FOXN3: variants seen among roughly 807,000 people sequenced by gnomAD.
The protein encoded by FOXN3 is forkhead box N3, also known as forkhead box protein N3.
FOXN3 carries 7 observed loss-of-function variants against 38.4 expected under a neutral mutation model. The observed-to-expected ratio is 0.18, with a 90% CI of 0.10 to 0.34. FOXN3 has a LOEUF of 0.34. FOXN3 is among the 10% of genes least tolerant of loss of function. The pLI, the probability that FOXN3 is intolerant of heterozygous loss-of-function variation, is 1.00. For missense variants in FOXN3, 456 were observed against 613.4 expected, an observed-to-expected ratio of 0.74 and a Z score of 2.71; for synonymous variants, 230 against 242.2, an observed-to-expected ratio of 0.95 and a Z score of 0.47.
chr14:89,512,037 C>A (rs955672411), intron 1 of FOXN3, among the ~76,000 whole-genome samples: 18 of 152,124 alleles, frequency 1.2e-4, no homozygotes, highest in Non-Finnish European at 2.1e-4. Context: ...TGGGTGGGGA[C>A]GTGGCCAAAC....
At chr14:89,470,068 T>A (rs1893060701) in intron 1 of FOXN3, among the ~76,000 whole-genome samples, 1 of 152,184 alleles carries the variant, frequency 6.6e-6, no homozygotes, top group Non-Finnish European at 1.5e-5. Context: ...TGAGTCGTGG[T>A]TTCATCTTGA....
intron 3 of FOXN3, among the ~76,000 whole-genome samples, chr14:89,338,197 C>G (rs1888519908): frequency 6.6e-6 from 1 of 152,148 alleles, no homozygotes; most frequent in African/African-American, 2.4e-5. Context: ...CCAGCTTCTC[C>G]CTCCCCCTCC....
intron 4 of FOXN3, among the ~76,000 whole-genome samples, chr14:89,213,182 T>C (rs1266256669): frequency 6.6e-6 from 1 of 152,186 alleles, no homozygotes; most frequent in Non-Finnish European, 1.5e-5. Context: ...CAACCTTCCA[T>C]ACAGCATTGC....
chr14:89,241,909 C>A (rs1006213472), intron 4 of FOXN3, among the ~76,000 whole-genome samples: 3 of 152,182 alleles, frequency 2.0e-5, no homozygotes, highest in Non-Finnish European at 4.4e-5. Context: ...TCTCCCCACC[C>A]ATGGAGAAAG....
intron 1 of FOXN3, among the ~76,000 whole-genome samples, chr14:89,603,177 T>A (rs1357332483): frequency 6.6e-6 from 1 of 152,216 alleles, no homozygotes; most frequent in Non-Finnish European, 1.5e-5. Flanking sequence ...CAGCCACTCA[T>A]GAGCCTCCAC....
chr14:89,350,024 T>C (rs1566963151), intron 3 of FOXN3, among the ~76,000 whole-genome samples: 1 of 152,200 alleles, frequency 6.6e-6, no homozygotes, highest in Non-Finnish European at 1.5e-5. Context: ...TTTGGCTCTC[T>C]TTTGGAATCT....
chr14:89,252,130 T>C (rs1444520778), intron 4 of FOXN3, among the ~76,000 whole-genome samples: 2 of 152,194 alleles, frequency 1.3e-5, no homozygotes, highest in Non-Finnish European at 2.9e-5. Context: ...GTGATTCTTA[T>C]GCCCGTTTAA....
At chr14:89,550,512 A>C (rs1336031992) in intron 1 of FOXN3, among the ~76,000 whole-genome samples, 2 of 152,134 alleles carry the variant, frequency 1.3e-5, no homozygotes, top group Non-Finnish European at 2.9e-5. Flanking sequence ...TGACAGAGAG[A>C]AACCAACAGA....
intron 1 of FOXN3, among the ~76,000 whole-genome samples, chr14:89,564,637 G>C (rs879419125): frequency 6.6e-5 from 10 of 152,114 alleles, no homozygotes; most frequent in Admixed American, 6.5e-4. Flanking sequence ...GACCTCACCT[G>C]GTATGCACTG....
At chr14:89,391,460 G>A (rs768497980) in intron 2 of FOXN3, among the ~76,000 whole-genome samples, 1 of 152,166 alleles carries the variant, frequency 6.6e-6, no homozygotes, top group Non-Finnish European at 1.5e-5. Context: ...TGTGCAAACC[G>A]AGTCTTATTA....
intron 1 of FOXN3, among the ~76,000 whole-genome samples, chr14:89,600,082 C>T (rs189699196): frequency 5.3e-5 from 8 of 152,322 alleles, no homozygotes; most frequent in African/African-American, 1.9e-4. Context: ...TTTTTCCAAA[C>T]TGACTTTTTT....
intron 4 of FOXN3, among the ~76,000 whole-genome samples, chr14:89,213,167 T>A (rs1414063526): frequency 3.3e-5 from 5 of 152,076 alleles, no homozygotes; most frequent in Non-Finnish European, 1.5e-5. Context: ...TGCCCATCTC[T>A]CCCCCAACCT....
intron 3 of FOXN3, chr14:89,290,685 G>A: frequency 2.4e-6 from 1 of 418,196 alleles, no homozygotes; most frequent in Non-Finnish European, 4.7e-6. Flanking sequence ...TTTGGGAGAT[G>A]TGGGACTTGG....
chr14:89,461,920 T>G (rs1206925538), intron 1 of FOXN3, among the ~76,000 whole-genome samples: 4 of 152,342 alleles, frequency 2.6e-5, no homozygotes, highest in African/African-American at 9.6e-5. Flanking sequence ...GGAGCAGGAC[T>G]GGGCACAGGG....
intron 2 of FOXN3, among the ~76,000 whole-genome samples, chr14:89,403,144 T>A (rs1404045538): frequency 6.6e-6 from 1 of 152,224 alleles, no homozygotes; most frequent in Non-Finnish European, 1.5e-5. Context: ...CCTGCTTCCC[T>A]GGAATGTAAA....
rs1891951542 is a variant in FOXN3, at chr14:89,423,142, G to A, written c.-14-10652C>T. On this transcript the variant is annotated intron_variant, in intron 1 of 6. Coordinates refer to the FOXN3 transcript ENST00000345097. Reference sequence around the variant, plus strand: ...TGCCCTCAGGGAGGAGTAGGTCTATGAGCATTTATAAAGCAACCACAAATA... The same window carrying A: ...TGCCCTCAGGGAGGAGTAGGTCTATAAGCATTTATAAAGCAACCACAAATA... Among the ~76,000 whole-genome samples the A allele has an allele frequency of 2.6e-5, 4 of 152,314 alleles. No homozygotes were observed. In the South Asian group the frequency reaches 8.3e-4, roughly 32 times the overall value.
At chr14:89,454,867 C>A (rs1892686992) in intron 1 of FOXN3, among the ~76,000 whole-genome samples, 1 of 152,148 alleles carries the variant, frequency 6.6e-6, no homozygotes, top group Non-Finnish European at 1.5e-5. Flanking sequence ...CATCCCTAAC[C>A]CAAGGTCATC....
chr14:89,450,391 C>T (rs998375556), intron 1 of FOXN3, among the ~76,000 whole-genome samples: 1 of 152,158 alleles, frequency 6.6e-6, no homozygotes, highest in African/African-American at 2.4e-5. Context: ...TTTGGGGGGA[C>T]ACTATTCAAT....
intron 1 of FOXN3, among the ~76,000 whole-genome samples, chr14:89,574,403 G>C (rs928952468): frequency 6.6e-6 from 1 of 152,214 alleles, no homozygotes; most frequent in African/African-American, 2.4e-5. Flanking sequence ...CTCTGGCGAG[G>C]TGGTGATAAT....
Sources: gnomAD v4.1 joint callset for allele counts (sites outside exome capture counted in the v4.1 genomes callset) on GRCh38, gnomAD v4.1.1 for gene constraint, MANE v1.5 for transcripts, NCBI Gene and HGNC (gene_info 2026-07-23, HGNC 2026-07-21) for gene names.